The following YTHDC1 variants were observed in gnomAD, a reference collection of about 807,000 sequenced individuals.
YTHDC1 encodes the protein YTH domain-containing protein 1.
In YTHDC1, 12 loss-of-function variants were observed where a neutral mutation model predicts 107.0. The observed-to-expected ratio is 0.11, with a 90% confidence interval of 0.07 to 0.18. The LOEUF is 0.18. Ranked by LOEUF, YTHDC1 falls within the 10% of genes least tolerant of loss-of-function variation. The pLI is 1.00. For synonymous variants in YTHDC1, 280 were observed against 289.5 expected, an observed-to-expected ratio of 0.97 and a Z score of 0.33; for missense variants, 635 against 898.8, an observed-to-expected ratio of 0.71 and a Z score of 3.75.
At position 68,319,212 on chromosome 4, in the gene YTHDC1, C is replaced by CA. The variant is rs1722177574; in HGVS notation, c.1685-351dup. On this transcript the variant is annotated intron_variant, in intron 12 of 16. Transcript: ENST00000344157. Reference sequence around the variant, plus strand: ...ACACTATGACAGGACTTCCTTAAAACAAATGTTTACTTTCCACCTTGGGTA... The same window carrying CA: ...ACACTATGACAGGACTTCCTTAAAACAAAATGTTTACTTTCCACCTTGGGTA... 2.0e-5 allele frequency among the ~76,000 whole-genome samples: 3 copies of CA among 152,196 alleles called. No homozygotes were observed. The South Asian group carries it at 6.2e-4, about 32-fold the overall frequency.
rs796864561 is a variant in YTHDC1 at position 68,341,587 on chromosome 4, GA to G, written c.29-3204del. The stretch of plus-strand genomic sequence containing the variant: ...ACGTTTTTAAGGCGCTTATTAACAA[GA>G]AAAAAAAAAAAGCAAAGAATATGTC... On this transcript the variant is annotated intron_variant, in intron 1 of 16. Coordinates refer to ENST00000344157, the MANE Select transcript of YTHDC1 (RefSeq NM_001031732.4). 1.4e-3 allele frequency among the ~76,000 whole-genome samples: 186 copies of G among 132,796 alleles called. 2 individuals carry two copies. In the South Asian group the frequency reaches 0.021, roughly 15 times the overall value. The allele number at this position is 132,796 out of a possible 152,430, so 87.1% of individuals were successfully genotyped here.
intron 9 of YTHDC1, among the ~76,000 whole-genome samples, chr4:68,328,817 T>C (rs1187721920): frequency 6.6e-6 from 1 of 152,238 alleles, no homozygotes; most frequent in African/African-American, 2.4e-5. Context: ...TGGTATAGCC[T>C]ACTACATACC....
chr4:68,344,368 G>A (rs930759296), intron 1 of YTHDC1, among the ~76,000 whole-genome samples: 1 of 152,048 alleles, frequency 6.6e-6, no homozygotes, highest in Non-Finnish European at 1.5e-5. Context: ...TAAGGCACAG[G>A]AACATCAAAC....
chr4:68,324,357 A>T, intron 9 of YTHDC1, 134 bp from the exon 10 acceptor site: 4 of 664,130 alleles, frequency 6.0e-6, no homozygotes, highest in African/African-American at 1.8e-5. Context: ...ACAGTGGTTA[A>T]TTCCCTATAG....
Position 68,311,430 on chromosome 4 carries a change from A to C in YTHDC1, c.*2669T>G, listed in dbSNP as rs1326237280. 2.6e-5 allele frequency: 4 copies of C among 152,196 alleles called. No individual in the cohort carries two copies. The East Asian group carries it at 7.7e-4, about 29-fold the overall frequency. The allele number at this position is 152,196 out of a possible 1,614,324, so 9.4% of individuals were successfully genotyped here. A position where few individuals can be genotyped will look rare whatever the true frequency, so the allele number is the denominator to read the frequency against. ...TGACCGGATTTCTAAACTCGGAATG[A>C]CTGAATTTTCTGTTTTTCATCTGAA... On this transcript the variant is annotated 3_prime_UTR_variant, in exon 17 of 17. Coordinates refer to ENST00000344157, the MANE Select transcript of YTHDC1 (RefSeq NM_001031732.4).
Position 68,318,576 on chromosome 4 carries a change from G to T in YTHDC1, c.1767C>A (p.Tyr589Ter). 1 of 1,612,588 alleles carries T rather than the reference G, an allele frequency of 6.2e-7. No individual in the cohort carries two copies. The highest frequency in any genetic ancestry group is 8.5e-7 in the Non-Finnish European group (1 of 1,179,292). Reference sequence around the variant, plus strand: ...TATGAAATTCCCTCACATAATCATTGTAGGACTAAAATAAAAGATGATAAT... The same window carrying T: ...TATGAAATTCCCTCACATAATCATTTTAGGACTAAAATAAAAGATGATAAT... ...VRRDVFLNGS[Y>*]NDYVREFHNM... The change falls in exon 15 of 17, where the codon TAC becomes TAA. Residue 589 changes from tyrosine to a stop codon, truncating the protein, a stop_gained. Transcript: ENST00000344157. LOFTEE classifies it high-confidence loss of function.
intron 9 of YTHDC1, among the ~76,000 whole-genome samples, chr4:68,329,611 A>C (rs990284739): frequency 6.6e-6 from 1 of 152,146 alleles, no homozygotes; most frequent in African/African-American, 2.4e-5. Context: ...AGAAGATCAC[A>C]ATGGCAACTA....
chr4:68,326,027 T>C (rs371460790), intron 9 of YTHDC1, among the ~76,000 whole-genome samples: 46 of 152,308 alleles, frequency 3.0e-4, no homozygotes, highest in African/African-American at 1.1e-3. Flanking sequence ...GTTTTCTTTG[T>C]ATTCTGTTGA....
chr4:68,333,518 C>CCTG, intron 4 of YTHDC1, 121 bp from the exon 5 acceptor site: 1 of 594,578 alleles, frequency 1.7e-6, no homozygotes, highest in Non-Finnish European at 2.9e-6. Context: ...CTGTGCTCCT[C>CCTG]TCTCCTGATC....
chr4:68,331,650 T>G (rs982061686), intron 7 of YTHDC1, among the ~76,000 whole-genome samples: 2 of 152,122 alleles, frequency 1.3e-5, no homozygotes, highest in African/African-American at 4.8e-5. Context: ...ATTCTTTTTC[T>G]TCTAAATCCC....
intron 16 of YTHDC1, chr4:68,315,979 G>A (rs1346211096): frequency 1.2e-5 from 2 of 167,636 alleles, no homozygotes. Flanking sequence ...TACACAAAAA[G>A]TTCAGAAATA....
chr4:68,337,563 A>G lies in YTHDC1; in HGVS notation c.459+9T>C. 2 of 1,592,498 alleles carry G rather than the reference A, an allele frequency of 1.3e-6. No homozygotes were observed. The highest frequency in any genetic ancestry group is 1.7e-6 in the Non-Finnish European group (2 of 1,173,666). ...CTTTCTGTTTTATATCTGCAATAAT[A>G]TTTACTACCTCAGAACCATCTGGCG... On this transcript the variant is annotated intron_variant, in intron 3 of 16. Coordinates refer to ENST00000344157, the MANE Select transcript of YTHDC1 (RefSeq NM_001031732.4).
chr4:68,334,891 A>T (rs1560493122), intron 4 of YTHDC1, among the ~76,000 whole-genome samples: 1 of 152,102 alleles, frequency 6.6e-6, no homozygotes, highest in Non-Finnish European at 1.5e-5. Flanking sequence ...AAAAGTTACT[A>T]AAAAGATCTG....
Position 68,311,529 on chromosome 4 carries a change from T to G in YTHDC1, c.*2570A>C, listed in dbSNP as rs1721302817. On this transcript the variant is annotated 3_prime_UTR_variant, in exon 17 of 17. Coordinates refer to ENST00000344157, the MANE Select transcript of YTHDC1 (RefSeq NM_001031732.4). ...CGAAAGAAACCATGTCTTCTCACAGTGACAAAAGCTGTCATGTGTACGAAT... is the reference window on the plus strand; with the variant it reads ...CGAAAGAAACCATGTCTTCTCACAGGGACAAAAGCTGTCATGTGTACGAAT... 1 of 152,190 alleles carries G rather than the reference T, an allele frequency of 6.6e-6. No homozygotes were observed. Among genetic ancestry groups the G allele is most frequent in the Non-Finnish European group, 1.5e-5 (1 of 68,036 alleles). The allele number at this position is 152,190 out of a possible 1,614,324, so 9.4% of individuals were successfully genotyped here. A position where few individuals can be genotyped will look rare whatever the true frequency, so the allele number is the denominator to read the frequency against.
Position 68,337,245 on chromosome 4 carries a change from T to A in YTHDC1, c.665A>T (p.Asp222Val). Reference sequence around the variant, plus strand: ...CTCTCCATCTTCATCCACCTCTTCATCTTCTTCTGCATCTTCTTCTACTTC... The same window carrying A: ...CTCTCCATCTTCATCCACCTCTTCAACTTCTTCTGCATCTTCTTCTACTTC... ...DEEVEEDAEE[D>V]EEVDEDGEEE... The change falls in exon 4 of 17, where the codon GAT becomes GTT. Residue 222 changes from aspartate to valine, a missense_variant. By Grantham distance (152) the Asp-to-Val change is radical (BLOSUM62 -3). Coordinates refer to ENST00000344157, the MANE Select transcript of YTHDC1 (RefSeq NM_001031732.4). 6.2e-6 allele frequency: 10 copies of A among 1,607,066 alleles called. No homozygotes were observed. The highest frequency in any genetic ancestry group is 8.5e-6 in the Non-Finnish European group (10 of 1,174,816).
intron 9 of YTHDC1, among the ~76,000 whole-genome samples, chr4:68,329,452 T>C (rs1723342444): frequency 6.6e-6 from 1 of 152,208 alleles, no homozygotes; most frequent in Admixed American, 6.5e-5. Flanking sequence ...AATACATTTG[T>C]GTATGCCACG....
intron 9 of YTHDC1, among the ~76,000 whole-genome samples, chr4:68,329,283 T>C (rs1723324639): frequency 6.6e-6 from 1 of 152,172 alleles, no homozygotes; most frequent in Non-Finnish European, 1.5e-5. Flanking sequence ...TCCATGCTCT[T>C]CTTGGCTTAG....
chr4:68,327,806 G>C (rs1723160807), intron 9 of YTHDC1, among the ~76,000 whole-genome samples: 1 of 152,022 alleles, frequency 6.6e-6, no homozygotes, highest in South Asian at 2.1e-4. Context: ...ACTTATCTAA[G>C]GAAATATCAA....
chr4:68,327,040 C>G (rs1723066846), intron 9 of YTHDC1, among the ~76,000 whole-genome samples: 1 of 150,804 alleles, frequency 6.6e-6, no homozygotes, highest in African/African-American at 2.4e-5. Context: ...AGTTCGAGAC[C>G]AGCCTAACCA....
Sources: gnomAD v4.1 joint callset for allele counts (sites outside exome capture counted in the v4.1 genomes callset) on GRCh38, gnomAD v4.1.1 for gene constraint, MANE v1.5 for transcripts, NCBI Gene and HGNC (gene_info 2026-07-23, HGNC 2026-07-21) for gene names.